Variants in TSPAN3 observed in about 807,000 individuals in gnomAD.
The protein encoded by TSPAN3 is tetraspanin-3.
A neutral mutation model predicts 31.1 loss-of-function variants in TSPAN3; 9 were observed. The observed-to-expected ratio is 0.29, with a 90% confidence interval of 0.17 to 0.50. The LOEUF is 0.50. Ranked by LOEUF, TSPAN3 falls within the 20% of genes least tolerant of loss-of-function variation. TSPAN3 has a pLI of 0.98. For synonymous variants in TSPAN3, 129 were observed against 114.3 expected (o/e 1.13, Z -0.82); for missense variants, 252 against 313.5 (o/e 0.80, Z 1.48).
rs1475357918 is a variant in TSPAN3, at chr15:77,054,235, G to A, written c.375C>T (p.Thr125=). ...VDRSIQKVYK[T]YNGTNPDAAS... ...CAGCATCAGGGTTGGTTCCATTGTA[G>A]GTCTTATACACTTTCTGAATGCTGC... Residue 125 remains threonine, a synonymous_variant, in exon 4 of 7, where the codon ACC becomes ACT. Coordinates refer to ENST00000267970, the MANE Select transcript of TSPAN3 (RefSeq NM_005724.6). 2 of 1,613,880 alleles carry A rather than the reference G, an allele frequency of 1.2e-6. No homozygotes were observed. The highest frequency in any genetic ancestry group is 1.7e-6 in the Non-Finnish European group (2 of 1,179,880).
chr15:77,063,869 C>A (rs961341987), intron 1 of TSPAN3: 3 of 152,128 alleles, frequency 2.0e-5, no homozygotes, highest in African/African-American at 7.2e-5. Context: ...ATCTGAGAAG[C>A]CTGAAATTTA....
intron 1 of TSPAN3, among the ~76,000 whole-genome samples, chr15:77,058,081 A>G (rs2076779181): frequency 6.6e-6 from 1 of 151,244 alleles, no homozygotes; most frequent in Non-Finnish European, 1.5e-5. Flanking sequence ...GAATACCTCA[A>G]CTCCTCTTCA....
At position 77,041,860 on chromosome 15, in the gene TSPAN3, A is replaced by G. The variant is rs2076661751; in HGVS notation, c.*4975T>C. 6.6e-6 allele frequency: 1 copy of G among 152,256 alleles called. No homozygotes were observed. The highest frequency in any genetic ancestry group is 2.4e-5 in the African/African-American group (1 of 41,476). The allele number at this position is 152,256 out of a possible 1,614,324, so 9.4% of individuals were successfully genotyped here. A position where few individuals can be genotyped will look rare whatever the true frequency, so the allele number is the denominator to read the frequency against. Reference sequence around the variant, plus strand: ...TCTTTACTTTAAAATCGTTAATTTTATGCCATGTGAATTGCATCTCAATAA... The same window carrying G: ...TCTTTACTTTAAAATCGTTAATTTTGTGCCATGTGAATTGCATCTCAATAA... On this transcript the variant is annotated 3_prime_UTR_variant, in exon 7 of 7. Coordinates refer to ENST00000267970, the MANE Select transcript of TSPAN3 (RefSeq NM_005724.6).
intron 6 of TSPAN3, among the ~76,000 whole-genome samples, chr15:77,051,558 G>C (rs1209901438): frequency 6.7e-6 from 1 of 150,336 alleles, no homozygotes; most frequent in East Asian, 1.9e-4. Flanking sequence ...GAAAAGAAAA[G>C]AAAGCATAAG....
At position 77,041,890 on chromosome 15, in the gene TSPAN3, T is replaced by G. The variant is rs2076661962; in HGVS notation, c.*4945A>C. ...ATGTGAATTGCATCTCAATAAAAATTGTTTTCATTTTAAAAATTGTAAATG... is the reference window on the plus strand; with the variant it reads ...ATGTGAATTGCATCTCAATAAAAATGGTTTTCATTTTAAAAATTGTAAATG... On this transcript the variant is annotated 3_prime_UTR_variant, in exon 7 of 7. Transcript: ENST00000267970. 1 of 152,224 alleles carries G rather than the reference T, an allele frequency of 6.6e-6. No homozygotes were observed. The highest frequency in any genetic ancestry group is 6.5e-5 in the Admixed American group (1 of 15,268). The allele number at this position is 152,224 out of a possible 1,614,324, so 9.4% of individuals were successfully genotyped here.
chr15:77,046,691 G>A lies in TSPAN3; in HGVS notation c.*144C>T. 1 of 594,016 alleles carries A rather than the reference G, an allele frequency of 1.7e-6. No individual in the cohort carries two copies. The highest frequency in any genetic ancestry group is 4.3e-4 in the Middle Eastern group (1 of 2,314). 36.8% of individuals were successfully genotyped at this position (594,016 alleles called of 1,614,324 possible). ...TCGCAGGTAGTAGGTAAGTAGGTGGGCACATGAAAAGCCAAGCTGCTCTGT... is the reference window on the plus strand; with the variant it reads ...TCGCAGGTAGTAGGTAAGTAGGTGGACACATGAAAAGCCAAGCTGCTCTGT... On this transcript the variant is annotated 3_prime_UTR_variant, in exon 7 of 7. Coordinates refer to ENST00000267970, the MANE Select transcript of TSPAN3 (RefSeq NM_005724.6).
At chr15:77,047,893 C>A (rs1240289814) in intron 6 of TSPAN3, among the ~76,000 whole-genome samples, 1 of 152,094 alleles carries the variant, frequency 6.6e-6, no homozygotes, top group Non-Finnish European at 1.5e-5. Flanking sequence ...AAAATGTACC[C>A]AATCCATAAA....
At chr15:77,060,178 A>G (rs2076792476) in intron 1 of TSPAN3, among the ~76,000 whole-genome samples, 1 of 152,044 alleles carries the variant, frequency 6.6e-6, no homozygotes, top group South Asian at 2.1e-4. Context: ...ACATATAGTT[A>G]AAGGAACTTA....
chr15:77,065,520 G>A (rs920495780), intron 1 of TSPAN3, among the ~76,000 whole-genome samples: 11 of 152,040 alleles, frequency 7.2e-5, no homozygotes, highest in African/African-American at 1.9e-4. Context: ...TCCGCCTCCC[G>A]GGTTCACGCC....
chr15:77,059,176 A>C (rs888766038), intron 1 of TSPAN3, among the ~76,000 whole-genome samples: 1 of 152,102 alleles, frequency 6.6e-6, no homozygotes, highest in African/African-American at 2.4e-5. Flanking sequence ...TCCGTCTCCC[A>C]GGTTCACGCC....
chr15:77,070,000 A>C (rs1213125409), intron 1 of TSPAN3: 1 of 152,230 alleles, frequency 6.6e-6, no homozygotes, highest in African/African-American at 2.4e-5. Context: ...TTTTCAGATC[A>C]AGTGATGTGA....
At position 77,070,467 on chromosome 15, in the gene TSPAN3, C is replaced by A. The variant is rs751653757; in HGVS notation, c.63+425G>T. Among the ~76,000 whole-genome samples the A allele has an allele frequency of 3.2e-4, 48 of 152,160 alleles. 1 individual carries two copies. The highest frequency in any genetic ancestry group is 5.0e-4 in the Non-Finnish European group (34 of 67,986). ...ATCTGCCCGCCTCGGGACGGCCACT[C>A]GTCTGCGAGGCCCCGACAAAGAGCG... On this transcript the variant is annotated intron_variant, in intron 1 of 6. Coordinates refer to ENST00000267970, the MANE Select transcript of TSPAN3 (RefSeq NM_005724.6).
rs761918463 is a variant in TSPAN3, at chr15:77,056,151, C to T, written c.168G>A (p.Val56=). ...AAAGCAGGGCTCCTACAGCTATGATCACTACAGCAGGGATGAGCGTGTACA... is the reference window on the plus strand; with the variant it reads ...AAAGCAGGGCTCCTACAGCTATGATTACTACAGCAGGGATGAGCGTGTACA... ...EDVYTLIPAV[V]IIAVGALLFI... is the part of the protein sequence containing the mutation. The change falls in exon 2 of 7, where the codon GTG becomes GTA. Residue 56 remains valine, a synonymous_variant. Coordinates refer to ENST00000267970, the MANE Select transcript of TSPAN3 (RefSeq NM_005724.6). 40 of 1,613,704 alleles carry T rather than the reference C, an allele frequency of 2.5e-5. No individual in the cohort carries two copies. Among genetic ancestry groups the T allele is most frequent in the Non-Finnish European group, 3.2e-5 (38 of 1,179,940 alleles).
chr15:77,070,962 G>A lies in TSPAN3; in HGVS notation c.-8C>T, dbSNP rs1201403410. ...GATGCCGCACTGGCCCATGGCGCCG[G>A]TGGCCCGCGAAGGCCCGGCCCGGAG... On this transcript the variant is annotated 5_prime_UTR_variant, in exon 1 of 7. Coordinates refer to ENST00000267970, the MANE Select transcript of TSPAN3 (RefSeq NM_005724.6). 7.0e-6 allele frequency: 10 copies of A among 1,429,886 alleles called. No homozygotes were observed. The highest frequency in any genetic ancestry group is 9.2e-6 in the Non-Finnish European group (10 of 1,084,528). The allele number at this position is 1,429,886 out of a possible 1,614,324, so 88.6% of individuals were successfully genotyped here.
intron 1 of TSPAN3, among the ~76,000 whole-genome samples, chr15:77,065,455 C>G (rs893474102): frequency 6.6e-6 from 1 of 152,122 alleles, no homozygotes; most frequent in African/African-American, 2.4e-5. Context: ...GAGATGGAGT[C>G]TCGCTCTGTC....
intron 1 of TSPAN3, among the ~76,000 whole-genome samples, chr15:77,059,331 C>T (rs1343762444): frequency 6.6e-6 from 1 of 152,236 alleles, no homozygotes; most frequent in African/African-American, 2.4e-5. Context: ...ATCCGCCCGC[C>T]TCGGCCTCCC....
chr15:77,070,585 G>GGC (rs1030423023), intron 1 of TSPAN3, among the ~76,000 whole-genome samples: 191 of 152,146 alleles, frequency 1.3e-3, no homozygotes, highest in Admixed American at 2.1e-3. Flanking sequence ...GCGACTCCGG[G>GGC]GGGGGGAGAC....
chr15:77,048,256 T>C (rs1023674306), intron 6 of TSPAN3, among the ~76,000 whole-genome samples: 1 of 152,182 alleles, frequency 6.6e-6, no homozygotes, highest in Non-Finnish European at 1.5e-5. Flanking sequence ...AAAACATTGT[T>C]AGAACAGCTA....
At chr15:77,056,327 T>TA in intron 1 of TSPAN3, 72 bp from the exon 2 acceptor site, 1 of 1,201,652 alleles carries the variant, frequency 8.3e-7, no homozygotes, top group African/African-American at 1.6e-5. Flanking sequence ...CTTAGTATGG[T>TA]ATAATTTAAT....
Sources: gnomAD v4.1 joint callset for allele counts (sites outside exome capture counted in the v4.1 genomes callset) on GRCh38, gnomAD v4.1.1 for gene constraint, MANE v1.5 for transcripts, NCBI Gene and HGNC (gene_info 2026-07-23, HGNC 2026-07-21) for gene names.